The following PHC2 variants were observed in gnomAD, a reference collection of about 807,000 sequenced individuals.
PHC2 encodes the protein polyhomeotic homolog 2.
PHC2 carries 29 observed loss-of-function variants against 87.4 expected under a neutral mutation model. The ratio of observed to expected loss-of-function variants is 0.33; its 90% confidence interval spans 0.25 to 0.45. The LOEUF (loss-of-function observed/expected upper bound fraction) is 0.45, where lower values mean the gene tolerates loss of function less well. Among genes scored for constraint, PHC2 ranks in the 20% least tolerant of loss-of-function variants. The pLI, the probability that PHC2 is intolerant of heterozygous loss-of-function variation, is 1.00. For synonymous variants in PHC2, 438 were observed against 461.7 expected (o/e 0.95, Z 0.66); for missense variants, 857 against 1,136.7 (o/e 0.75, Z 3.54).
At chr1:33,367,082 C>A in intron 7 of PHC2, 34 bp downstream of exon 7, 1 of 1,558,828 alleles carries the variant, frequency 6.4e-7, no homozygotes, top group South Asian at 1.2e-5. Context: ...CCTGAGTTTT[C>A]TGGGAAAGGA....
chr1:33,355,125 C>T lies in PHC2; in HGVS notation c.1105G>A (p.Val369Met), dbSNP rs753601535. Residue 369 changes from valine to methionine, a missense_variant, in exon 8 of 15, where the codon GTG becomes ATG. By Grantham distance (21) the Val-to-Met change is conservative. This residue lies in a region of PHC2 where 832 missense variants were observed against 1,081.8 expected (regional missense o/e 0.77). Coordinates refer to ENST00000683057, the MANE Select transcript of PHC2 (RefSeq NM_001385109.1). ...QQPPPQQSRP[V>M]LQAEPHPQLA... ...TGGGGGTGGGGCTCAGCTTGGAGCACAGGCCGTGACTGCTGGGGCGGCGGC... is the reference window on the plus strand; with the variant it reads ...TGGGGGTGGGGCTCAGCTTGGAGCATAGGCCGTGACTGCTGGGGCGGCGGC... 1.2e-6 allele frequency: 2 copies of T among 1,611,138 alleles called. No homozygotes were observed. Among genetic ancestry groups the T allele is most frequent in the Non-Finnish European group, 8.5e-7 (1 of 1,178,938 alleles).
rs1646585893 is a variant in PHC2 at position 33,334,683 on chromosome 1, T to C, written c.1559-391A>G. On this transcript the variant is annotated intron_variant, in intron 9 of 14. Coordinates refer to ENST00000683057, the MANE Select transcript of PHC2 (RefSeq NM_001385109.1). The surrounding 1 kb of genome is among the most constrained non-coding windows in gnomAD (Gnocchi z 5.5). Reference sequence around the variant, plus strand: ...AGGGAGAAAAGTATTCAAGGTGACATCTAAAACCAGGACAAGAAGCTGAGC... The same window carrying C: ...AGGGAGAAAAGTATTCAAGGTGACACCTAAAACCAGGACAAGAAGCTGAGC... Among the ~76,000 whole-genome samples, 1 of 152,190 alleles carries C rather than the reference T, an allele frequency of 6.6e-6. No individual in the cohort carries two copies. Among genetic ancestry groups the C allele is most frequent in the South Asian group, 2.1e-4 (1 of 4,832 alleles).
chr1:33,395,740 C>A (rs958149642), intron 1 of PHC2, among the ~76,000 whole-genome samples: 2 of 152,238 alleles, frequency 1.3e-5, no homozygotes, highest in African/African-American at 4.8e-5. Flanking sequence ...GGACAAATTA[C>A]CCAGGCGATT....
Position 33,349,356 on chromosome 1 carries a change from G to C in PHC2, c.1558+5045C>G, listed in dbSNP as rs1163180087. The C allele has an allele frequency of 1.0e-6, 1 of 985,320 alleles. No individual in the cohort carries two copies. The highest frequency in any genetic ancestry group is 1.2e-6 in the Non-Finnish European group (1 of 829,962). The allele number at this position is 985,320 out of a possible 1,614,324, so 61.0% of individuals were successfully genotyped here. A position where few individuals can be genotyped will look rare whatever the true frequency, so the allele number is the denominator to read the frequency against. On this transcript the variant is annotated intron_variant, in intron 9 of 14. Transcript: ENST00000683057. This position sits in a 1 kb window ranked among gnomAD's most constrained non-coding sequence, Gnocchi z 4.2. ...CGGGGCCTGGGGACGCGGAAGCTGC[G>C]GCGCGCCGAGGTGACACGGCTTCCA...
intron 9 of PHC2, chr1:33,347,433 T>C (rs1316117770): frequency 1.0e-6 from 1 of 984,454 alleles, no homozygotes; most frequent in Admixed American, 6.2e-5. Context: ...ATATATGGAG[T>C]GAGCTTGACA....
chr1:33,335,769 G>A (rs867992050), intron 9 of PHC2, among the ~76,000 whole-genome samples: 8 of 151,892 alleles, frequency 5.3e-5, no homozygotes, highest in South Asian at 4.2e-4. Context: ...GCATGGTGGT[G>A]CGTGCCTGTA....
chr1:33,386,056 C>A (rs963980223), intron 1 of PHC2, among the ~76,000 whole-genome samples: 1 of 151,744 alleles, frequency 6.6e-6, no homozygotes, highest in Admixed American at 6.6e-5. Flanking sequence ...CTCGGCCTCC[C>A]AAAGTGCTGG....
chr1:33,325,606 C>A (rs561115026), intron 14 of PHC2: 1 of 290,038 alleles, frequency 3.4e-6, no homozygotes, highest in South Asian at 3.0e-5. Flanking sequence ...GAGCAGATAA[C>A]CTCTCTGTTT....
intron 7 of PHC2, among the ~76,000 whole-genome samples, chr1:33,361,551 G>A (rs1329138962): frequency 6.6e-6 from 1 of 152,230 alleles, no homozygotes; most frequent in African/African-American, 2.4e-5. Flanking sequence ...ATGTTGGCCA[G>A]GCTGGTGTCA....
intron 1 of PHC2, among the ~76,000 whole-genome samples, chr1:33,399,695 T>G (rs866236942): frequency 9.9e-5 from 15 of 152,120 alleles, no homozygotes; most frequent in African/African-American, 3.6e-4. Flanking sequence ...AGTCACTGAA[T>G]TTGGCAGAGA....
chr1:33,372,682 C>T (rs1043854168), intron 2 of PHC2, among the ~76,000 whole-genome samples: 2 of 152,156 alleles, frequency 1.3e-5, no homozygotes, highest in African/African-American at 2.4e-5. Flanking sequence ...CAGCTCCTCC[C>T]CAGCACGGCC....
At position 33,325,272 on chromosome 1, in the gene PHC2, G is replaced by A. The variant is rs79312595; in HGVS notation, c.2426-253C>T. On this transcript the variant is annotated intron_variant, in intron 14 of 14. Coordinates refer to ENST00000683057, the MANE Select transcript of PHC2 (RefSeq NM_001385109.1). ...CAGACCCCTGCTCCATGAACTGGGCGGACCCATGTCCACTAAAGTGCTGAG... is the reference window on the plus strand; with the variant it reads ...CAGACCCCTGCTCCATGAACTGGGCAGACCCATGTCCACTAAAGTGCTGAG... 340 of 436,884 alleles carry A rather than the reference G, an allele frequency of 7.8e-4. 1 individual carries two copies. In the East Asian group the frequency reaches 0.012, roughly 16 times the overall value. 27.1% of individuals were successfully genotyped at this position (436,884 alleles called of 1,614,324 possible).
At position 33,349,954 on chromosome 1, in the gene PHC2, CGGGGCGGGGA is replaced by C. The variant is rs1168561004; in HGVS notation, c.1558+4437_1558+4446del. On this transcript the variant is annotated intron_variant, in intron 9 of 14. Transcript: ENST00000683057. The surrounding 1 kb of genome is among the most constrained non-coding windows in gnomAD (Gnocchi z 4.2). ...CTCCGCCGGGGGCGGGGCGAGGGAG[CGGGGCGGGGA>C]GGGGCGGGGCCGCGGGAGGGGCGGG... The C allele has an allele frequency of 2.5e-5, 3 of 120,872 alleles. No individual in the cohort carries two copies. Among genetic ancestry groups the C allele is most frequent in the Non-Finnish European group, 5.1e-5 (3 of 59,128 alleles). The allele number at this position is 120,872 out of a possible 1,614,324, so 7.5% of individuals were successfully genotyped here.
In PHC2 at chr1:33,332,347, G is replaced by A. The variant is rs756993215; in HGVS notation, c.1819C>T (p.Leu607=). Residue 607 remains leucine, a synonymous_variant, in exon 11 of 15, where the codon CTG becomes TTG. Coordinates refer to ENST00000683057, the MANE Select transcript of PHC2 (RefSeq NM_001385109.1). The surrounding 1 kb of genome is among the most constrained non-coding windows in gnomAD (Gnocchi z 4.2). ...TCCTGCTGTGGAAGTTTCTCAGGCA[G>A]GAACCCCTGTGCATACTTCTTCTTG... ...NLKKKYAQGF[L]PEKLPQQDHT... 6.2e-7 allele frequency: 1 copy of A among 1,614,208 alleles called. No homozygotes were observed. Among genetic ancestry groups the A allele is most frequent in the Non-Finnish European group, 8.5e-7 (1 of 1,180,030 alleles).
rs1553185667 is a variant in PHC2, at chr1:33,356,271, A to ACG, written c.977-1019_977-1018insCG. 3.1e-4 allele frequency among the ~76,000 whole-genome samples: 27 copies of ACG among 87,072 alleles called. 1 individual carries two copies. The highest frequency in any genetic ancestry group is 7.2e-4 in the Admixed American group (7 of 9,724). The allele number at this position is 87,072 out of a possible 152,430, so 57.1% of individuals were successfully genotyped here. A position where few individuals can be genotyped will look rare whatever the true frequency, so the allele number is the denominator to read the frequency against. On this transcript the variant is annotated intron_variant, in intron 7 of 14. Transcript: ENST00000683057. ...TTCTTATATATATATATATATATATATATATGTATATATATATATATATTT... is the reference window on the plus strand; with the variant it reads ...TTCTTATATATATATATATATATATACGTATATGTATATATATATATATATTT...
intron 1 of PHC2, among the ~76,000 whole-genome samples, chr1:33,385,165 G>T (rs1648677172): frequency 6.6e-6 from 1 of 152,202 alleles, no homozygotes; most frequent in African/African-American, 2.4e-5. Flanking sequence ...AAAAGCAGAT[G>T]TAGAAGGTCC....
At position 33,324,587 on chromosome 1, in the gene PHC2, G is replaced by A. The variant is rs891680129; in HGVS notation, c.*278C>T. 71 of 315,510 alleles carry A rather than the reference G, an allele frequency of 2.3e-4. No individual in the cohort carries two copies. Among genetic ancestry groups the A allele is most frequent in the South Asian group, 2.0e-3 (18 of 9,020 alleles). The allele number at this position is 315,510 out of a possible 1,614,324, so 19.5% of individuals were successfully genotyped here. A position where few individuals can be genotyped will look rare whatever the true frequency, so the allele number is the denominator to read the frequency against. ...GGGGACAGAAAGAGGGGAAGAGAGC[G>A]GGGCTAGAGTATTGGGACTTTGGAG... On this transcript the variant is annotated 3_prime_UTR_variant, in exon 15 of 15. Coordinates refer to ENST00000683057, the MANE Select transcript of PHC2 (RefSeq NM_001385109.1).
intron 3 of PHC2, among the ~76,000 whole-genome samples, chr1:33,371,558 A>G (rs989536818): frequency 6.6e-6 from 1 of 152,104 alleles, no homozygotes; most frequent in Non-Finnish European, 1.5e-5. Context: ...CCCCCCACAG[A>G]GAATTTGCAG....
intron 9 of PHC2, among the ~76,000 whole-genome samples, chr1:33,335,672 C>T (rs182174753): frequency 3.9e-5 from 6 of 152,260 alleles, no homozygotes; most frequent in East Asian, 1.9e-4. Flanking sequence ...AAGACCGAGG[C>T]GGGTGGATCA....
Sources: allele counts gnomAD v4.1 joint callset (sites outside exome capture counted in the v4.1 genomes callset), GRCh38; gene constraint gnomAD v4.1.1; regional missense constraint gnomAD v4.1.1; non-coding constraint Gnocchi (gnomAD v3.1); transcripts MANE v1.5; gene names NCBI Gene and HGNC (gene_info 2026-07-23, HGNC 2026-07-21).